ATAD1: variants seen among roughly 807,000 people sequenced by gnomAD.
The protein encoded by ATAD1 is ATPase family AAA domain containing 1.
In ATAD1, 18 loss-of-function variants were observed where a neutral mutation model predicts 42.7. The observed-to-expected ratio is 0.42, with a 90% CI of 0.29 to 0.63. The LOEUF (loss-of-function observed/expected upper bound fraction) is 0.63. Ranked by LOEUF, ATAD1 falls within the 20% of genes least tolerant of loss-of-function variation. The pLI is 0.19. For synonymous variants in ATAD1, 132 were observed against 143.1 expected, an observed-to-expected ratio of 0.92 and a Z score of 0.55; for missense variants, 294 against 440.4, an observed-to-expected ratio of 0.67 and a Z score of 2.98.
intron 1 of ATAD1, among the ~76,000 whole-genome samples, chr10:87,837,147 G>A (rs901879887): frequency 1.3e-5 from 2 of 152,098 alleles, no homozygotes; most frequent in Admixed American, 6.6e-5. Flanking sequence ...TCCTGGCATT[G>A]TCCTCTATTG....
chr10:87,785,250 C>G (rs1246206544), intron 4 of ATAD1, among the ~76,000 whole-genome samples: 1 of 151,946 alleles, frequency 6.6e-6, no homozygotes, highest in Non-Finnish European at 1.5e-5. Flanking sequence ...CTGCTAAATA[C>G]AATTTAAGGT....
intron 2 of ATAD1, 121 bp from the exon 3 acceptor site, chr10:87,792,876 A>G (rs565474754): frequency 6.9e-6 from 5 of 723,958 alleles, no homozygotes; most frequent in Admixed American, 4.8e-5. Flanking sequence ...ATTTCCAAGG[A>G]TATTCTAGGC....
chr10:87,825,842 C>T (rs374690005), intron 1 of ATAD1, among the ~76,000 whole-genome samples: 67 of 152,104 alleles, frequency 4.4e-4, no homozygotes, highest in African/African-American at 1.6e-3. Context: ...ACTGGGATTA[C>T]AGGTAGGAGC....
intron 2 of ATAD1, among the ~76,000 whole-genome samples, chr10:87,803,077 C>T (rs1448997604): frequency 6.6e-6 from 1 of 152,198 alleles, no homozygotes; most frequent in African/African-American, 2.4e-5. Context: ...TACCTGCCTA[C>T]TGACATATGG....
At chr10:87,789,982 GAAAACAAAAC>G (rs895537103) in intron 4 of ATAD1, among the ~76,000 whole-genome samples, 36 of 151,992 alleles carry the variant, frequency 2.4e-4, no homozygotes, top group Non-Finnish European at 1.2e-4. Flanking sequence ...GTCTTGGCTT[GAAAACAAAAC>G]AAAACAAAAC....
upstream of ATAD1, among the ~76,000 whole-genome samples, chr10:87,820,096 AAACAACAAC>A (rs764228471): frequency 3.3e-5 from 5 of 152,106 alleles, no homozygotes; most frequent in Non-Finnish European, 4.4e-5. Context: ...CATTAAAAAC[AAACAACAAC>A]AACAACAACA....
upstream of ATAD1, among the ~76,000 whole-genome samples, chr10:87,819,904 A>G (rs2132090873): frequency 6.6e-6 from 1 of 152,326 alleles, no homozygotes; most frequent in Admixed American, 6.5e-5. Flanking sequence ...GTTCATGGAC[A>G]GGAATCAGAA....
At chr10:87,756,394 C>T (rs896902774) in intron 9 of ATAD1, among the ~76,000 whole-genome samples, 1 of 152,190 alleles carries the variant, frequency 6.6e-6, no homozygotes, top group Non-Finnish European at 1.5e-5. Flanking sequence ...CTTCACTATA[C>T]TTTGGAACTG....
chr10:87,777,370 T>C (rs1180117227), intron 5 of ATAD1, among the ~76,000 whole-genome samples: 1 of 152,182 alleles, frequency 6.6e-6, no homozygotes, highest in Non-Finnish European at 1.5e-5. Context: ...GGAATGTACA[T>C]ACATATGTTA....
chr10:87,787,675 G>C (rs1855903254), intron 4 of ATAD1, among the ~76,000 whole-genome samples: 1 of 152,168 alleles, frequency 6.6e-6, no homozygotes, highest in Non-Finnish European at 1.5e-5. Context: ...ATCCTCATTT[G>C]TGACAAATAT....
intron 2 of ATAD1, among the ~76,000 whole-genome samples, chr10:87,807,344 C>T (rs1233624040): frequency 6.6e-6 from 1 of 152,122 alleles, no homozygotes; most frequent in African/African-American, 2.4e-5. Context: ...TGACTATGCA[C>T]ATTTTCAACT....
intron 8 of ATAD1, among the ~76,000 whole-genome samples, chr10:87,760,571 C>T (rs920104043): frequency 1.3e-5 from 2 of 152,070 alleles, no homozygotes; most frequent in African/African-American, 4.8e-5. Context: ...AACACAGACC[C>T]CATCTCAACA....
chr10:87,759,272 ACT>A lies in ATAD1; in HGVS notation c.832-2352_832-2351del, dbSNP rs368244602. On this transcript the variant is annotated intron_variant, in intron 8 of 9. Coordinates refer to ENST00000680024, the MANE Select transcript of ATAD1 (RefSeq NM_001321967.2). ...TCACATATATTCACGGGATTGATAA[ACT>A]CTATCAACTCCTGGACAGCAGGTTA... Among the ~76,000 whole-genome samples the A allele has an allele frequency of 1.5e-4, 23 of 152,138 alleles. No homozygotes were observed. In the East Asian group the frequency reaches 1.9e-3, roughly 13 times the overall value.
At chr10:87,807,276 C>T (rs972282623) in intron 2 of ATAD1, among the ~76,000 whole-genome samples, 1 of 152,086 alleles carries the variant, frequency 6.6e-6, no homozygotes, top group Non-Finnish European at 1.5e-5. Flanking sequence ...GCTATGAGCA[C>T]TCTTGTATGT....
intron 5 of ATAD1, among the ~76,000 whole-genome samples, chr10:87,783,103 GGT>G (rs1855647327): frequency 6.6e-6 from 1 of 152,178 alleles, no homozygotes; most frequent in South Asian, 2.1e-4. Context: ...TAATAGGCCA[GGT>G]GTGGTGGACA....
In ATAD1 at chr10:87,800,252, C is replaced by T. The variant is rs945580973; in HGVS notation, c.163-7497G>A. ...GACATTTTCTTAAGTTATTGATTCA[C>T]GTTTAATAAATTATAAGAGATTTTA... On this transcript the variant is annotated intron_variant, in intron 2 of 9. Transcript: ENST00000680024. Among the ~76,000 whole-genome samples the T allele has an allele frequency of 2.6e-4, 40 of 152,058 alleles. 1 individual carries two copies. Among genetic ancestry groups the T allele is most frequent in the Non-Finnish European group, 1.3e-4 (9 of 67,986 alleles).
At position 87,834,192 on chromosome 10, in the gene ATAD1, G is replaced by T. The variant is rs187702508; in HGVS notation, c.-14+6995C>A. ...TTTTATATACTGATGGATTCAATTT[G>T]TTAATATTTTGTTGAAGATTTTTGT... On this transcript the variant is annotated intron_variant, in intron 1 of 4. Transcript: ENST00000495903. 1.8e-3 allele frequency among the ~76,000 whole-genome samples: 273 copies of T among 152,250 alleles called. 4 individuals are homozygous for T. The South Asian group carries it at 0.021, about 12-fold the overall frequency.
intron 2 of ATAD1, among the ~76,000 whole-genome samples, chr10:87,797,655 T>G (rs1480742327): frequency 6.6e-6 from 1 of 152,194 alleles, no homozygotes; most frequent in Non-Finnish European, 1.5e-5. Flanking sequence ...GAGATTATCT[T>G]GTACCACGAG....
chr10:87,816,053 T>C lies in ATAD1; in HGVS notation c.-13-1441A>G, dbSNP rs748801856. On this transcript the variant is annotated intron_variant, in intron 1 of 9. Transcript: ENST00000680024. ...GCTCCATAAAGCCTTTCAAATCACA[T>C]GAATCTTCGTATTATTCATTTCGCC... Among the ~76,000 whole-genome samples, 80 of 152,288 alleles carry C rather than the reference T, an allele frequency of 5.3e-4. 1 individual carries two copies. The highest frequency in any genetic ancestry group is 8.5e-4 in the Non-Finnish European group (58 of 67,976).
Sources: allele counts gnomAD v4.1 joint callset (sites outside exome capture counted in the v4.1 genomes callset), GRCh38; gene constraint gnomAD v4.1.1; transcripts MANE v1.5; gene names NCBI Gene and HGNC (gene_info 2026-07-23, HGNC 2026-07-21).